STAT1: variants seen among roughly 807,000 people sequenced by gnomAD.
The protein encoded by STAT1 is signal transducer and activator of transcription 1.
Under a neutral mutation model 111.7 loss-of-function variants are expected in STAT1, and 24 were observed. That is an observed-to-expected ratio of 0.21 (90% CI 0.16 to 0.30). STAT1 has a LOEUF of 0.30. Among genes scored for constraint, STAT1 ranks in the 10% least tolerant of loss-of-function variants. The pLI is 1.00. For missense variants in STAT1, 351 were observed against 911.9 expected (o/e 0.38, Z 7.92); for synonymous variants, 332 against 326.5 (o/e 1.02, Z -0.18).
In STAT1 at chr2:190,978,793, G is replaced by A. The variant is rs1253861611; in HGVS notation, c.1873+63C>T. On this transcript the variant is annotated intron_variant, in intron 21 of 24. Coordinates refer to ENST00000361099, the MANE Select transcript of STAT1 (RefSeq NM_007315.4). This position sits in a 1 kb window ranked among gnomAD's most constrained non-coding sequence, Gnocchi z 6.1. ...GCACTATCTGTATGAGCTGACTGGCGGCGATGAAGAGGGACTTCACACACA... is the reference window on the plus strand; with the variant it reads ...GCACTATCTGTATGAGCTGACTGGCAGCGATGAAGAGGGACTTCACACACA... 1.8e-5 allele frequency: 29 copies of A among 1,594,664 alleles called. No individual in the cohort carries two copies. Among genetic ancestry groups the A allele is most frequent in the East Asian group, 1.6e-4 (7 of 44,446 alleles).
intron 2 of STAT1, 94 bp from the exon 3 acceptor site, chr2:191,010,098 C>T (rs1348490308): frequency 1.7e-5 from 23 of 1,393,870 alleles, no homozygotes; most frequent in Non-Finnish European, 2.1e-5. Flanking sequence ...TCTTAAATAT[C>T]TTGCTTAATC....
Position 190,985,562 on chromosome 2 carries a change from C to A in STAT1, c.1263+57G>T, listed in dbSNP as rs373521076. On this transcript the variant is annotated intron_variant, in intron 15 of 24. Coordinates refer to ENST00000361099, the MANE Select transcript of STAT1 (RefSeq NM_007315.4). ...TGTCCCCAGCCACCAACTGACCTGT[C>A]CTTGCTAGACAGACCTGCCTGATTT... The A allele has an allele frequency of 9.4e-6, 15 of 1,599,168 alleles. No individual in the cohort carries two copies. The African/African-American group carries it at 1.2e-4, about 13-fold the overall frequency.
In STAT1 at chr2:190,997,555, A is replaced by G. The variant is rs1422256621; in HGVS notation, c.785+301T>C. Among the ~76,000 whole-genome samples the G allele has an allele frequency of 6.6e-6, 1 of 152,236 alleles. No individual in the cohort carries two copies. The highest frequency in any genetic ancestry group is 1.5e-5 in the Non-Finnish European group (1 of 68,042). On this transcript the variant is annotated intron_variant, in intron 9 of 24. Coordinates refer to ENST00000361099, the MANE Select transcript of STAT1 (RefSeq NM_007315.4). This position sits in a 1 kb window ranked among gnomAD's most constrained non-coding sequence, Gnocchi z 7.3. ...GCTATCTTGTTTTTAAGGAAACATT[A>G]AGAGTCAAGTCATTAAATGTGTTCT...
chr2:191,002,023 T>C (rs1694310062), intron 5 of STAT1, among the ~76,000 whole-genome samples: 1 of 152,248 alleles, frequency 6.6e-6, no homozygotes. Flanking sequence ...GGGGTGTTTT[T>C]ATATGTGCAA....
In STAT1 at chr2:190,998,978, G is replaced by GCCTATGAA. The variant is rs1424504477; in HGVS notation, c.541+640_541+647dup. ...TACCCAAATCATACTGATAATCTCTGCCTATGAACCATGGTATACCCCAGA... is the reference window on the plus strand; with the variant it reads ...TACCCAAATCATACTGATAATCTCTGCCTATGAACCTATGAACCATGGTATACCCCAGA... On this transcript the variant is annotated intron_variant, in intron 7 of 24. Coordinates refer to ENST00000361099, the MANE Select transcript of STAT1 (RefSeq NM_007315.4). The surrounding 1 kb of genome is among the most constrained non-coding windows in gnomAD (Gnocchi z 4.1). 6.6e-6 allele frequency among the ~76,000 whole-genome samples: 1 copy of GCCTATGAA among 152,102 alleles called. No homozygotes were observed. The highest frequency in any genetic ancestry group is 1.5e-5 in the Non-Finnish European group (1 of 68,018).
rs147383954 is a variant in STAT1, at chr2:191,002,811, C to G, written c.373-1648G>C. 2.6e-3 allele frequency among the ~76,000 whole-genome samples: 393 copies of G among 152,130 alleles called. 10 individuals carry two copies. The highest frequency in any genetic ancestry group is 0.025 in the Admixed American group (379 of 15,276). On this transcript the variant is annotated intron_variant, in intron 5 of 24. Coordinates refer to ENST00000361099, the MANE Select transcript of STAT1 (RefSeq NM_007315.4). ...TATATTTTTTTGTGTTAAAGAGGTA[C>G]CCATCAATTCCTATCTTATTCAATG...
At chr2:190,991,475 T>A (rs1693333569) in intron 10 of STAT1, among the ~76,000 whole-genome samples, 155 bp from the exon 11 acceptor site, 1 of 152,222 alleles carries the variant, frequency 6.6e-6, no homozygotes, top group Non-Finnish European at 1.5e-5. Context: ...AGTGATATTT[T>A]CTAATTAGTA....
rs758182245 is a variant in STAT1, at chr2:190,980,660, G to A, written c.1592C>T (p.Ala531Val). The change falls in exon 19 of 25, where the codon GCC (alanine) becomes GTC (valine). Residue 531 changes from alanine to valine, a missense_variant. Ala to Val is a moderately conservative substitution (Grantham distance 64). This residue lies in a region of STAT1 where 181 missense variants were observed against 426.1 expected (regional missense o/e 0.42). Transcript: ENST00000361099. This position sits in a 1 kb window ranked among gnomAD's most constrained non-coding sequence, Gnocchi z 6.1. ...MLGEKLLGPN[A>V]SPDGLIPWTR... is the part of the protein sequence containing the mutation. ...CCACGGAATGAGACCATCGGGGCTG[G>A]CGTTAGGACCTAAACAAATAAAAAC... 1 of 1,614,186 alleles carries A rather than the reference G, an allele frequency of 6.2e-7. No individual in the cohort carries two copies. The highest frequency in any genetic ancestry group is 2.2e-5 in the East Asian group (1 of 44,882).
chr2:191,002,751 G>C (rs1282188883), intron 5 of STAT1, among the ~76,000 whole-genome samples: 2 of 152,106 alleles, frequency 1.3e-5, no homozygotes, highest in African/African-American at 4.8e-5. Context: ...AGTTTTCCCA[G>C]TTAGGTAAGA....
rs978990032 is a variant in STAT1, at chr2:190,971,509, A to C, written c.2239-792T>G. 2.0e-5 allele frequency among the ~76,000 whole-genome samples: 3 copies of C among 152,100 alleles called. No homozygotes were observed. Among genetic ancestry groups the C allele is most frequent in the Non-Finnish European group, 4.4e-5 (3 of 68,018 alleles). On this transcript the variant is annotated intron_variant, in intron 24 of 24. Coordinates refer to ENST00000361099, the MANE Select transcript of STAT1 (RefSeq NM_007315.4). The surrounding 1 kb of genome is among the most constrained non-coding windows in gnomAD (Gnocchi z 4.1). ...CACCAATCCCCAACAAATAATTCTG[A>C]AGCCCCGAATACCAGTAGCACCAAG...
chr2:191,010,469 A>G (rs1477639674), intron 2 of STAT1: 7 of 421,144 alleles, frequency 1.7e-5, no homozygotes, highest in Non-Finnish European at 3.4e-5. Flanking sequence ...TGTCAACCAC[A>G]TAGTAGGTAT....
intron 11 of STAT1, 80 bp downstream of exon 11, chr2:190,991,148 A>G (rs933066460): frequency 6.7e-6 from 9 of 1,337,786 alleles, no homozygotes; most frequent in African/African-American, 1.4e-5. Context: ...AGCACCCTAT[A>G]TAACAGTTTT....
rs1693500754 is a variant in STAT1 at position 190,992,953 on chromosome 2, C to T, written c.945-1633G>A. The T allele has an allele frequency of 1.6e-5, 4 of 248,546 alleles. No individual in the cohort carries two copies. The South Asian group carries it at 2.2e-4, about 14-fold the overall frequency. The allele number at this position is 248,546 out of a possible 1,614,324, so 15.4% of individuals were successfully genotyped here. A position where few individuals can be genotyped will look rare whatever the true frequency, so the allele number is the denominator to read the frequency against. The stretch of plus-strand genomic sequence containing the variant: ...TACAGGCGCCCGCCACCATGCCTGG[C>T]TAATTTTTGTATTTTTAGTAGGGAT... On this transcript the variant is annotated intron_variant, in intron 10 of 24. Coordinates refer to ENST00000361099, the MANE Select transcript of STAT1 (RefSeq NM_007315.4).
chr2:190,971,360 A>G lies in STAT1; in HGVS notation c.2239-643T>C, dbSNP rs993803964. ...TCGAGGATGATTCTGTCCCCTGGCA[A>G]TGGCTGAAGACATTGCTGATTGTCC... On this transcript the variant is annotated intron_variant, in intron 24 of 24. Transcript: ENST00000361099. This position sits in a 1 kb window ranked among gnomAD's most constrained non-coding sequence, Gnocchi z 4.1. 6.6e-6 allele frequency among the ~76,000 whole-genome samples: 1 copy of G among 152,170 alleles called. No homozygotes were observed. Among genetic ancestry groups the G allele is most frequent in the Non-Finnish European group, 1.5e-5 (1 of 68,026 alleles).
In STAT1 at chr2:190,978,575, T is replaced by C; in HGVS notation, c.1873+281A>G. The C allele has an allele frequency of 2.1e-6, 1 of 472,838 alleles. No homozygotes were observed. Among genetic ancestry groups the C allele is most frequent in the South Asian group, 2.0e-5 (1 of 48,972 alleles). 29.3% of individuals were successfully genotyped at this position (472,838 alleles called of 1,614,324 possible). ...TCCAAGAACGGGTTGCAGATTACAT[T>C]GACTCACATCCTTGATCTGCAGATA... On this transcript the variant is annotated intron_variant, in intron 21 of 24. Transcript: ENST00000361099. This position sits in a 1 kb window ranked among gnomAD's most constrained non-coding sequence, Gnocchi z 6.1.
rs1224130066 is a variant in STAT1 at position 190,989,652 on chromosome 2, G to A, written c.1060C>T (p.Leu354=). The A allele has an allele frequency of 1.3e-6, 2 of 1,596,110 alleles. No homozygotes were observed. The highest frequency in any genetic ancestry group is 1.3e-5 in the African/African-American group (1 of 74,366). Residue 354 remains leucine (L), a synonymous_variant, in exon 12 of 25, where the codon CTG becomes TTG. Transcript: ENST00000361099. The surrounding 1 kb of genome is among the most constrained non-coding windows in gnomAD (Gnocchi z 5.0). ...KLRLLVKLQE[L]NYNLKVKVLF... is the part of the protein sequence containing the mutation. ...ACTTTGACTTTCAAATTATAATTCA[G>A]CTCTTGCAATTTCACCAACAGTCTG...
chr2:190,974,213 A>G lies in STAT1; in HGVS notation c.2238+617T>C, dbSNP rs1039505199. Among the ~76,000 whole-genome samples, 21 of 151,548 alleles carry G rather than the reference A, an allele frequency of 1.4e-4. No individual in the cohort carries two copies. The highest frequency in any genetic ancestry group is 9.2e-4 in the Admixed American group (14 of 15,226). ...ATACTAGTTGATATACTAAAAAAGC[A>G]CCCTCCAAAAGGAAGATGTTCCCTT... On this transcript the variant is annotated intron_variant, in intron 24 of 24. Transcript: ENST00000361099. The surrounding 1 kb of genome is among the most constrained non-coding windows in gnomAD (Gnocchi z 4.8).
chr2:190,975,977 G>T lies in STAT1; in HGVS notation c.2060-90C>A. The T allele has an allele frequency of 8.5e-7, 1 of 1,172,528 alleles. No homozygotes were observed. Among genetic ancestry groups the T allele is most frequent in the Non-Finnish European group, 1.3e-6 (1 of 793,756 alleles). 72.6% of individuals were successfully genotyped at this position (1,172,528 alleles called of 1,614,324 possible). ...TTTTCGGGGGGATTAAAGTTCTACTGTGTTTCTAGACAGCTTAGCCTCCTA... is the reference window on the plus strand; with the variant it reads ...TTTTCGGGGGGATTAAAGTTCTACTTTGTTTCTAGACAGCTTAGCCTCCTA... On this transcript the variant is annotated intron_variant, in intron 22 of 24. Coordinates refer to ENST00000361099, the MANE Select transcript of STAT1 (RefSeq NM_007315.4). The surrounding 1 kb of genome is among the most constrained non-coding windows in gnomAD (Gnocchi z 5.9).
At position 190,999,654 on chromosome 2, in the gene STAT1, G is replaced by A. The variant is rs1694115160; in HGVS notation, c.513C>T (p.Asp171=). 6.2e-7 allele frequency: 1 copy of A among 1,613,836 alleles called. No homozygotes were observed. The highest frequency in any genetic ancestry group is 8.5e-7 in the Non-Finnish European group (1 of 1,179,830). The change falls in exon 7 of 25, where the codon GAC becomes GAT. Residue 171 remains aspartate, a synonymous_variant. Transcript: ENST00000361099. The surrounding 1 kb of genome is among the most constrained non-coding windows in gnomAD (Gnocchi z 4.1). ...TGTTCTGCAAGGTTTTGCATTTGAA[G>A]TCATATTCATCTTGTAAATCTTCCA... is the stretch of plus-strand genomic sequence containing the variant. ...KSLEDLQDEY[D]FKCKTLQNRE... is the part of the protein sequence containing the mutation.
Sources: allele counts gnomAD v4.1 joint callset (sites outside exome capture counted in the v4.1 genomes callset), GRCh38; gene constraint gnomAD v4.1.1; regional missense constraint gnomAD v4.1.1; non-coding constraint Gnocchi (gnomAD v3.1); transcripts MANE v1.5; gene names NCBI Gene and HGNC (gene_info 2026-07-23, HGNC 2026-07-21).